Variants in GPC5 observed in about 807,000 individuals in gnomAD.
The protein encoded by GPC5 is glypican-5.
In GPC5, 47 loss-of-function variants were observed where a neutral mutation model predicts 53.9. The observed-to-expected ratio is 0.87, with a 90% CI of 0.69 to 1.11. The LOEUF (loss-of-function observed/expected upper bound fraction) is 1.11. Among genes scored for constraint, GPC5 ranks in the 50% most tolerant of loss-of-function variants. The pLI, the probability that GPC5 is intolerant of heterozygous loss-of-function variation, is 0.00. For missense variants in GPC5, 748 were observed against 713.1 expected (o/e 1.05, Z -0.56); for synonymous variants, 286 against 263.3 (o/e 1.09, Z -0.84).
chr13:92,832,940 G>A lies in GPC5; in HGVS notation c.1562-33342G>A, dbSNP rs1200709726. Among the ~76,000 whole-genome samples, 9 of 152,224 alleles carry A rather than the reference G, an allele frequency of 5.9e-5. No homozygotes were observed. In the East Asian group the frequency reaches 7.8e-4, roughly 13 times the overall value. On this transcript the variant is annotated intron_variant, in intron 7 of 7. Transcript: ENST00000377067. ...GAAGAATCACTTGAACCCAGGAGGC[G>A]GAGGTTGCAGTGAGCCGAGACTGCC...
At chr13:92,328,826 G>T (rs1434667723) in intron 7 of GPC5, among the ~76,000 whole-genome samples, 4 of 151,978 alleles carry the variant, frequency 2.6e-5, no homozygotes, top group African/African-American at 9.7e-5. Flanking sequence ...TATGGTTTGG[G>T]GCTAGTTGTT....
intron 5 of GPC5, among the ~76,000 whole-genome samples, chr13:91,857,965 C>G (rs1234934422): frequency 6.6e-6 from 1 of 151,320 alleles, no homozygotes; most frequent in Non-Finnish European, 1.5e-5. Flanking sequence ...CCACAGCAAA[C>G]CCCAGTTAAT....
chr13:92,742,413 C>A (rs536108227), intron 7 of GPC5, among the ~76,000 whole-genome samples: 1 of 152,196 alleles, frequency 6.6e-6, no homozygotes, highest in East Asian at 1.9e-4. Context: ...ATATCCTTTG[C>A]CCACTTTTTC....
At chr13:91,811,086 C>T (rs1392507389) in intron 5 of GPC5, among the ~76,000 whole-genome samples, 1 of 151,892 alleles carries the variant, frequency 6.6e-6, no homozygotes, top group African/African-American at 2.4e-5. Flanking sequence ...TTAAAACTGT[C>T]ACAACTTCCT....
chr13:91,746,524 A>G (rs1425062989), intron 4 of GPC5, among the ~76,000 whole-genome samples: 2 of 152,200 alleles, frequency 1.3e-5, no homozygotes, highest in Non-Finnish European at 2.9e-5. Flanking sequence ...GCAATATATG[A>G]CAATTTATAA....
At chr13:91,784,900 C>G (rs971239551) in intron 5 of GPC5, among the ~76,000 whole-genome samples, 1 of 152,172 alleles carries the variant, frequency 6.6e-6, no homozygotes, top group African/African-American at 2.4e-5. Context: ...TCACCTCACA[C>G]TGCTCTACCA....
chr13:92,604,462 C>T (rs1884185548), intron 7 of GPC5, among the ~76,000 whole-genome samples: 1 of 152,174 alleles, frequency 6.6e-6, no homozygotes, highest in Middle Eastern at 3.2e-3. Context: ...AAACAGAACT[C>T]TCACACCTTG....
At chr13:92,261,271 A>G (rs1594045847) in intron 7 of GPC5, among the ~76,000 whole-genome samples, 2 of 152,262 alleles carry the variant, frequency 1.3e-5, no homozygotes. Flanking sequence ...GCATAACCTC[A>G]AGTGACAAAC....
At chr13:91,620,059 T>C (rs2033810790) in intron 2 of GPC5, among the ~76,000 whole-genome samples, 1 of 152,076 alleles carries the variant, frequency 6.6e-6, no homozygotes, top group South Asian at 2.1e-4. Context: ...AGATACAAAA[T>C]GACTGGGTTT....
At chr13:91,903,497 C>T (rs1435071095) in intron 5 of GPC5, among the ~76,000 whole-genome samples, 1 of 152,054 alleles carries the variant, frequency 6.6e-6, no homozygotes, top group African/African-American at 2.4e-5. Context: ...CCAGTTGCTC[C>T]ACATCTTTGC....
chr13:92,695,006 ACT>A (rs1217112975), intron 7 of GPC5, among the ~76,000 whole-genome samples: 5 of 151,452 alleles, frequency 3.3e-5, no homozygotes, highest in East Asian at 3.9e-4. Flanking sequence ...TTCCTACGTC[ACT>A]CTCTCTCTCC....
At chr13:91,787,396 A>AT (rs2037896650) in intron 5 of GPC5, among the ~76,000 whole-genome samples, 3 of 152,068 alleles carry the variant, frequency 2.0e-5, no homozygotes, top group Admixed American at 6.6e-5. Context: ...TAGATGTGGG[A>AT]TTTTTTCAAA....
chr13:91,475,161 G>GT (rs1489919795), intron 2 of GPC5, among the ~76,000 whole-genome samples: 1 of 151,972 alleles, frequency 6.6e-6, no homozygotes, highest in African/African-American at 2.4e-5. Flanking sequence ...CTGTTGCTTT[G>GT]TTTTTTATTC....
chr13:91,779,685 T>C (rs1439446681), intron 5 of GPC5, among the ~76,000 whole-genome samples: 1 of 152,082 alleles, frequency 6.6e-6, no homozygotes, highest in Non-Finnish European at 1.5e-5. Context: ...AAAATTGTAA[T>C]TAAAAACAAA....
At chr13:91,743,547 A>C (rs1379300144) in intron 4 of GPC5, among the ~76,000 whole-genome samples, 5 of 152,182 alleles carry the variant, frequency 3.3e-5, no homozygotes, top group Admixed American at 2.6e-4. Flanking sequence ...GAAAGGATAC[A>C]TATGTATAAT....
chr13:91,794,382 G>A (rs1172701652), intron 5 of GPC5, among the ~76,000 whole-genome samples: 1 of 152,118 alleles, frequency 6.6e-6, no homozygotes, highest in African/African-American at 2.4e-5. Context: ...GGCCCTTTGT[G>A]CCTTCACTGT....
At chr13:92,387,221 A>G (rs912413642) in intron 7 of GPC5, among the ~76,000 whole-genome samples, 18 of 152,112 alleles carry the variant, frequency 1.2e-4, no homozygotes, top group Non-Finnish European at 2.4e-4. Context: ...ACAGTATTTA[A>G]TAAGTTACAT....
At chr13:91,731,331 G>A (rs935581540) in intron 4 of GPC5, among the ~76,000 whole-genome samples, 2 of 152,108 alleles carry the variant, frequency 1.3e-5, no homozygotes, top group Non-Finnish European at 2.9e-5. Context: ...AAATAGGCGA[G>A]GTAAGTAGCG....
At chr13:91,791,737 C>T (rs2037968350) in intron 5 of GPC5, among the ~76,000 whole-genome samples, 2 of 151,680 alleles carry the variant, frequency 1.3e-5, no homozygotes, top group African/African-American at 4.9e-5. Flanking sequence ...CAGGAGAGGT[C>T]CAGCATCCTA....
Sources: gnomAD v4.1 joint callset for allele counts (sites outside exome capture counted in the v4.1 genomes callset) on GRCh38, gnomAD v4.1.1 for gene constraint, MANE v1.5 for transcripts, NCBI Gene and HGNC (gene_info 2026-07-23, HGNC 2026-07-21) for gene names.